Variants in TDRD6 observed in about 807,000 individuals in gnomAD.
The protein encoded by TDRD6 is tudor domain-containing protein 6.
A neutral mutation model predicts 157.5 loss-of-function variants in TDRD6; 186 were observed. The ratio of observed to expected loss-of-function variants is 1.18; its 90% CI spans 1.05 to 1.33. The LOEUF is 1.33. TDRD6 is among the 40% of genes most tolerant of loss of function. The pLI is 0.00. For synonymous variants in TDRD6, 1,075 were observed against 945.2 expected, an observed-to-expected ratio of 1.14 and a Z score of -2.52; for missense variants, 3,066 against 2,508.0, an observed-to-expected ratio of 1.22 and a Z score of -4.75.
In TDRD6 at chr6:46,688,471, GGGCGCA is replaced by G; in HGVS notation, c.345_350del (p.Arg116_Arg117del). On this transcript the variant is annotated inframe_deletion, in exon 1 of 4. Transcript: ENST00000316081. ...GGCCGGAGCAGGCTCGCTGGCGCCT[GGGCGCA>G]GAGAGTTCTTCAATTTGCCCTCGGA... 1 of 1,546,482 alleles carries G rather than the reference GGGCGCA, an allele frequency of 6.5e-7. No individual in the cohort carries two copies. Among genetic ancestry groups the G allele is most frequent in the Non-Finnish European group, 8.7e-7 (1 of 1,148,362 alleles).
At chr6:46,697,883 A>G (rs1764534615) in intron 2 of TDRD6, 115 bp from the exon 3 acceptor site, 2 of 505,370 alleles carry the variant, frequency 4.0e-6, no homozygotes, top group African/African-American at 2.0e-5. Flanking sequence ...GCAAGACCCT[A>G]TCTCAAAATA....
At chr6:46,683,913 G>T (rs1325038672), upstream of TDRD6, among the ~76,000 whole-genome samples, 1 of 152,044 alleles carries the variant, frequency 6.6e-6, no homozygotes, top group African/African-American at 2.4e-5. Flanking sequence ...ATGTTTTGCT[G>T]CATCTCAAGT....
chr6:46,698,027 G>C lies in TDRD6; in HGVS notation c.6201G>C (p.Glu2067Asp). 1 of 1,611,446 alleles carries C rather than the reference G, an allele frequency of 6.2e-7. No homozygotes were observed. The highest frequency in any genetic ancestry group is 8.5e-7 in the Non-Finnish European group (1 of 1,178,308). Residue 2067 changes from glutamate (E) to aspartate (D), a missense_variant, in exon 3 of 4, where the codon GAG becomes GAC. Coordinates refer to ENST00000316081, the MANE Select transcript of TDRD6 (RefSeq NM_001010870.3). ...TGAACCTTTCAAATGGTATGGAGGA[G>C]ATAGTGAACCCTGAGAATGTCTGGA... ...RVLNLSNGME[E>D]IVNPENVWNG... is the part of the protein sequence containing the mutation.
At position 46,695,862 on chromosome 6, in the gene TDRD6, G is replaced by A. The variant is rs748202248; in HGVS notation, c.6088G>A (p.Gly2030Arg). Residue 2030 changes from glycine (G) to arginine (R), a missense_variant, in exon 2 of 4, where the codon GGA (glycine) becomes AGA (arginine). Physicochemically the swap from Gly to Arg is moderately radical, Grantham distance 125 (BLOSUM62 -2). Coordinates refer to ENST00000316081, the MANE Select transcript of TDRD6 (RefSeq NM_001010870.3). ...NTYTLKAFTVGSKCVVWSSLR... is the reference protein window; with the variant it reads ...NTYTLKAFTVRSKCVVWSSLR... Reference sequence around the variant, plus strand: ...CTACACTCTGAAAGCCTTTACTGTTGGATCTAAATGTGTTGTGTGGTCAAG... The same window carrying A: ...CTACACTCTGAAAGCCTTTACTGTTAGATCTAAATGTGTTGTGTGGTCAAG... The A allele has an allele frequency of 4.3e-5, 69 of 1,613,460 alleles. No individual in the cohort carries two copies. Among genetic ancestry groups the A allele is most frequent in the Non-Finnish European group, 5.8e-5 (69 of 1,179,718 alleles).
At position 46,689,512 on chromosome 6, in the gene TDRD6, T is replaced by C. The variant is rs978957645; in HGVS notation, c.1384T>C (p.Ser462Pro). The C allele has an allele frequency of 1.2e-6, 2 of 1,613,908 alleles. No homozygotes were observed. Among genetic ancestry groups the C allele is most frequent in the Admixed American group, 3.3e-5 (2 of 60,004 alleles). Residue 462 changes from serine (S) to proline (P), a missense_variant, in exon 1 of 4, where the codon TCT (serine) becomes CCT (proline). Ser to Pro is a moderately conservative substitution (Grantham distance 74). Coordinates refer to ENST00000316081, the MANE Select transcript of TDRD6 (RefSeq NM_001010870.3). Reference protein sequence around the residue: ...TEEEEPETSQSQSPAEEVDEE... With the variant: ...TEEEEPETSQPQSPAEEVDEE... ...GGAGGAGGAACCAGAAACATCTCAG[T>C]CTCAGTCTCCTGCTGAAGAAGTAGA...
At position 46,688,212 on chromosome 6, in the gene TDRD6, C is replaced by A; in HGVS notation, c.84C>A (p.Ile28=). The A allele has an allele frequency of 6.5e-7, 1 of 1,541,562 alleles. No individual in the cohort carries two copies. The highest frequency in any genetic ancestry group is 8.7e-7 in the Non-Finnish European group (1 of 1,150,174). The change falls in exon 1 of 4, where the codon ATC becomes ATA. Residue 28 remains isoleucine, a synonymous_variant. Coordinates refer to ENST00000316081, the MANE Select transcript of TDRD6 (RefSeq NM_001010870.3). ...VSFVDVHPDV[I]PVQLWGLVGE... Reference sequence around the variant, plus strand: ...TCGTGGACGTGCATCCCGATGTGATCCCGGTGCAGCTGTGGGGGCTGGTGG... The same window carrying A: ...TCGTGGACGTGCATCCCGATGTGATACCGGTGCAGCTGTGGGGGCTGGTGG...
Position 46,693,980 on chromosome 6 carries a change from A to G in TDRD6, c.5852A>G (p.Asp1951Gly). The change falls in exon 1 of 4, where the codon GAC becomes GGC. Residue 1951 changes from aspartate to glycine, a missense_variant. Physicochemically the swap from Asp to Gly is moderately conservative, Grantham distance 94. Coordinates refer to ENST00000316081, the MANE Select transcript of TDRD6 (RefSeq NM_001010870.3). ...RKSSCVESFD[D>G]QRRMSLHLHG... is the part of the protein sequence containing the mutation. ...TCAAGTTGTGTAGAATCTTTTGATG[A>G]CCAGCGCAGGATGTCATTGCATCTA... 3 of 1,613,778 alleles carry G rather than the reference A, an allele frequency of 1.9e-6. No homozygotes were observed. Among genetic ancestry groups the G allele is most frequent in the Non-Finnish European group, 2.5e-6 (3 of 1,179,866 alleles).
chr6:46,702,046 C>A lies in TDRD6; in HGVS notation c.*159C>A. On this transcript the variant is annotated 3_prime_UTR_variant, in exon 4 of 4. Coordinates refer to ENST00000316081, the MANE Select transcript of TDRD6 (RefSeq NM_001010870.3). ...TATAGGTGGAAAACAAATTAGGTCTCAGGTTGATGGTGGGGTGTGTTTATA... is the reference window on the plus strand; with the variant it reads ...TATAGGTGGAAAACAAATTAGGTCTAAGGTTGATGGTGGGGTGTGTTTATA... 1.5e-6 allele frequency: 1 copy of A among 688,786 alleles called. No individual in the cohort carries two copies. 42.7% of individuals were successfully genotyped at this position (688,786 alleles called of 1,614,324 possible).
Position 46,703,925 on chromosome 6 carries a change from C to T in TDRD6, c.*2038C>T, listed in dbSNP as rs1304267332. The T allele has an allele frequency of 1.3e-5, 2 of 152,284 alleles. No individual in the cohort carries two copies. Among genetic ancestry groups the T allele is most frequent in the Non-Finnish European group, 2.9e-5 (2 of 68,128 alleles). 9.4% of individuals were successfully genotyped at this position (152,284 alleles called of 1,614,324 possible). A position where few individuals can be genotyped will look rare whatever the true frequency, so the allele number is the denominator to read the frequency against. On this transcript the variant is annotated 3_prime_UTR_variant, in exon 4 of 4. Coordinates refer to ENST00000316081, the MANE Select transcript of TDRD6 (RefSeq NM_001010870.3). Reference sequence around the variant, plus strand: ...AGTGTCAAAAAATTACCAATTTAATCCACTGCCTTTGCCTCATCTCTAATA... The same window carrying T: ...AGTGTCAAAAAATTACCAATTTAATTCACTGCCTTTGCCTCATCTCTAATA...
At chr6:46,683,006 A>C (rs555321933), upstream of TDRD6, among the ~76,000 whole-genome samples, 17 of 152,112 alleles carry the variant, frequency 1.1e-4, no homozygotes, top group African/African-American at 4.1e-4. Context: ...GAAAATCAAA[A>C]ACAATTTTGA....
chr6:46,694,926 C>A (rs543613031), intron 1 of TDRD6, among the ~76,000 whole-genome samples: 34 of 152,120 alleles, frequency 2.2e-4, no homozygotes, highest in African/African-American at 7.2e-4. Context: ...TCATTAGAAA[C>A]CCTTAAAGAA....
At chr6:46,696,078 A>T (rs1764487718) in intron 2 of TDRD6, 133 bp downstream of exon 2, 1 of 922,928 alleles carries the variant, frequency 1.1e-6, no homozygotes, top group Non-Finnish European at 1.6e-6. Context: ...AACTTGATGT[A>T]ATGCACATAT....
At chr6:46,694,777 A>T (rs1183960864) in intron 1 of TDRD6, among the ~76,000 whole-genome samples, 1 of 152,166 alleles carries the variant, frequency 6.6e-6, no homozygotes, top group African/African-American at 2.4e-5. Flanking sequence ...TATAATCAAG[A>T]GGGCATGTGT....
Position 46,688,478 on chromosome 6 carries a change from GA to G in TDRD6, c.351del (p.Glu118SerfsTer14). 6.4e-7 allele frequency: 1 copy of G among 1,550,586 alleles called. No homozygotes were observed. The highest frequency in any genetic ancestry group is 8.7e-7 in the Non-Finnish European group (1 of 1,150,536). ...GCAGGCTCGCTGGCGCCTGGGCGCA[GA>G]GAGTTCTTCAATTTGCCCTCGGAAG... ...AGAGSLAPGR[R>X]EFFNLPSEVL... On this transcript the variant is annotated frameshift_variant, in exon 1 of 4. Transcript: ENST00000316081. LOFTEE classifies it high-confidence loss of function.
At chr6:46,682,575 T>C in the TDRD6 span, among the ~76,000 whole-genome samples, 48 of 151,628 alleles carry the variant, frequency 3.2e-4, no homozygotes, top group African/African-American at 1.1e-3. Flanking sequence ...TAATTACATA[T>C]ATAAAAAAAA....
In TDRD6 at chr6:46,692,486, A is replaced by T; in HGVS notation, c.4358A>T (p.Lys1453Ile). The T allele has an allele frequency of 6.2e-7, 1 of 1,613,850 alleles. No individual in the cohort carries two copies. The change falls in exon 1 of 4, where the codon AAA (lysine) becomes ATA (isoleucine). Residue 1453 changes from lysine (K) to isoleucine (I), a missense_variant. Physicochemically the swap from Lys to Ile is moderately radical, Grantham distance 102 (BLOSUM62 -3). Coordinates refer to ENST00000316081, the MANE Select transcript of TDRD6 (RefSeq NM_001010870.3). ...SEAAIRCEFV[K>I]FQDRWEVILA... ...GCTGCAATAAGATGTGAATTTGTTA[A>T]ATTTCAAGACAGATGGGAAGTTATT...
chr6:46,681,516 ACCCC>A, the TDRD6 span: 1 of 470,612 alleles, frequency 2.1e-6, no homozygotes, highest in South Asian at 1.6e-5. Flanking sequence ...CCCATACTTT[ACCCC>A]CAACAGGCTG....
chr6:46,691,954 C>G lies in TDRD6; in HGVS notation c.3826C>G (p.Leu1276Val). 8 of 1,613,104 alleles carry G rather than the reference C, an allele frequency of 5.0e-6. No homozygotes were observed. The highest frequency in any genetic ancestry group is 6.8e-6 in the Non-Finnish European group (8 of 1,179,782). Residue 1276 changes from leucine (L) to valine (V), a missense_variant, in exon 1 of 4, where the codon CTT (leucine) becomes GTT (valine). Leu to Val is a conservative substitution (Grantham distance 32). Transcript: ENST00000316081. ...PLKTARVEATLSERKIGDSCD... is the reference protein window; with the variant it reads ...PLKTARVEATVSERKIGDSCD... ...GAAAACAGCAAGAGTAGAAGCTACT[C>G]TTTCAGAGAGAAAAATAGGAGATTC... is the stretch of plus-strand genomic sequence containing the variant.
Position 46,691,568 on chromosome 6 carries a change from A to T in TDRD6, c.3440A>T (p.Gln1147Leu), listed in dbSNP as rs1764320562. 3.1e-6 allele frequency: 5 copies of T among 1,613,540 alleles called. No individual in the cohort carries two copies. In the African/African-American group the frequency reaches 5.3e-5, roughly 17 times the overall value. Residue 1147 changes from glutamine to leucine, a missense_variant, in exon 1 of 4, where the codon CAA becomes CTA. Physicochemically the swap from Gln to Leu is moderately radical, Grantham distance 113 (BLOSUM62 -2). Transcript: ENST00000316081. ...ATAGAACTATATGGTGACAATATTCAAATTAGTGCTAGTATTAATAAGAAG... is the reference window on the plus strand; with the variant it reads ...ATAGAACTATATGGTGACAATATTCTAATTAGTGCTAGTATTAATAAGAAG... The part of the protein sequence containing the change: ...LIIELYGDNI[Q>L]ISASINKKLG...
Sources: gnomAD v4.1 joint callset for allele counts (sites outside exome capture counted in the v4.1 genomes callset) on GRCh38, gnomAD v4.1.1 for gene constraint, MANE v1.5 for transcripts, NCBI Gene and HGNC (gene_info 2026-07-23, HGNC 2026-07-21) for gene names.